Variants in UBR3 observed in about 807,000 individuals in gnomAD.
The protein encoded by UBR3 is ubiquitin protein ligase E3 component n-recognin 3.
Under a neutral mutation model 243.2 loss-of-function variants are expected in UBR3, and 85 were observed. The ratio of observed to expected loss-of-function variants is 0.35; its 90% CI spans 0.29 to 0.42. The LOEUF (loss-of-function observed/expected upper bound fraction) is 0.42. UBR3 is among the 10% of genes least tolerant of loss of function. The probability of loss-of-function intolerance (pLI) is 1.00; values close to 1 mark genes in which losing one functional copy is unlikely to be tolerated. For synonymous variants in UBR3, 748 were observed against 799.8 expected (o/e 0.94, Z 1.09); for missense variants, 1,686 against 2,300.8 (o/e 0.73, Z 5.47).
intron 31 of UBR3, 126 bp downstream of exon 31, chr2:170,029,574 TATATC>T (rs1243151722): frequency 1.1e-5 from 8 of 697,250 alleles, no homozygotes; most frequent in East Asian, 3.0e-5. Flanking sequence ...AGCACAGAAA[TATATC>T]ATAAGAATTG....
At chr2:169,925,551 GTTAT>G (rs2085878902) in intron 13 of UBR3, 64 bp from the exon 14 acceptor site, 10 of 1,358,628 alleles carry the variant, frequency 7.4e-6, no homozygotes, top group Non-Finnish European at 8.0e-6. Flanking sequence ...TTTTGAAATG[GTTAT>G]TTATAATATT....
intron 25 of UBR3, 53 bp from the exon 26 acceptor site, chr2:169,994,270 A>G: frequency 6.4e-7 from 1 of 1,569,658 alleles, no homozygotes; most frequent in Non-Finnish European, 8.7e-7. Flanking sequence ...TTGGAGTTAC[A>G]GGTCTATGGC....
intron 22 of UBR3, among the ~76,000 whole-genome samples, chr2:169,949,163 G>A (rs1422577613): frequency 2.0e-5 from 3 of 151,910 alleles, no homozygotes; most frequent in Non-Finnish European, 4.4e-5. Flanking sequence ...AGATTTATTA[G>A]CTTAGAAAAT....
intron 18 of UBR3, among the ~76,000 whole-genome samples, chr2:169,930,434 T>C (rs570639800): frequency 6.6e-6 from 1 of 152,204 alleles, no homozygotes; most frequent in East Asian, 1.9e-4. Context: ...TCGCTCAGGC[T>C]GGAGTGCAGT....
intron 8 of UBR3, among the ~76,000 whole-genome samples, chr2:169,901,598 T>C (rs1411255497): frequency 1.3e-5 from 2 of 152,196 alleles, no homozygotes; most frequent in African/African-American, 4.8e-5. Context: ...AGCCTTGTCT[T>C]GAATTGTTGT....
At chr2:169,987,201 TG>T (rs1453719451) in intron 25 of UBR3, among the ~76,000 whole-genome samples, 4 of 151,990 alleles carry the variant, frequency 2.6e-5, no homozygotes, top group African/African-American at 9.7e-5. Flanking sequence ...CTAGCCTACA[TG>T]GCCAACATGG....
chr2:169,908,002 C>T (rs2085085551), intron 10 of UBR3, among the ~76,000 whole-genome samples: 1 of 152,120 alleles, frequency 6.6e-6, no homozygotes, highest in African/African-American at 2.4e-5. Context: ...AAACTCCTGA[C>T]CTCAGGTGAT....
At chr2:169,915,134 C>T (rs1387220828) in intron 11 of UBR3, among the ~76,000 whole-genome samples, 2 of 152,014 alleles carry the variant, frequency 1.3e-5, no homozygotes, top group Admixed American at 1.3e-4. Context: ...TCCCATGATA[C>T]CTTTTATAGA....
At chr2:169,946,577 A>G (rs1239351145) in intron 21 of UBR3, among the ~76,000 whole-genome samples, 185 bp downstream of exon 21, 1 of 152,138 alleles carries the variant, frequency 6.6e-6, no homozygotes, top group Non-Finnish European at 1.5e-5. Context: ...TTAAAGAACT[A>G]CTAGAAAAGG....
chr2:169,950,140 G>T, intron 23 of UBR3, 75 bp downstream of exon 23: 1 of 1,353,120 alleles, frequency 7.4e-7, no homozygotes, highest in Non-Finnish European at 1.0e-6. Context: ...GGTCATTTGA[G>T]GATAATCACC....
At chr2:169,935,739 ATTTTTTTCTGTC>A (rs2086301686) in intron 19 of UBR3, among the ~76,000 whole-genome samples, 1 of 152,084 alleles carries the variant, frequency 6.6e-6, no homozygotes, top group Admixed American at 6.6e-5. Context: ...CACTTAAATA[ATTTTTTTCTGTC>A]ATGTAGCATT....
chr2:169,931,893 T>C (rs1192067785), intron 18 of UBR3, among the ~76,000 whole-genome samples: 4 of 152,158 alleles, frequency 2.6e-5, no homozygotes, highest in African/African-American at 7.2e-5. Context: ...AAAAGCTTTA[T>C]ATACTTAATA....
intron 35 of UBR3, among the ~76,000 whole-genome samples, chr2:170,068,455 G>A (rs1254967840): frequency 3.3e-5 from 5 of 152,166 alleles, no homozygotes; most frequent in South Asian, 2.1e-4. Context: ...GTGACAGAGC[G>A]AGACCCTGTC....
intron 24 of UBR3, among the ~76,000 whole-genome samples, chr2:169,968,605 T>C (rs2087936274): frequency 6.6e-6 from 1 of 152,180 alleles, no homozygotes; most frequent in African/African-American, 2.4e-5. Flanking sequence ...CATCTGTTGA[T>C]AGAAACTTAG....
At chr2:170,072,508 C>G (rs1400161130) in intron 35 of UBR3, among the ~76,000 whole-genome samples, 1 of 151,970 alleles carries the variant, frequency 6.6e-6, no homozygotes, top group African/African-American at 2.4e-5. Flanking sequence ...ATCAGCATGG[C>G]ACATATATAC....
intron 35 of UBR3, among the ~76,000 whole-genome samples, chr2:170,065,492 T>A (rs1465108750): frequency 6.6e-6 from 1 of 152,148 alleles, no homozygotes; most frequent in African/African-American, 2.4e-5. Context: ...TTTCACCATG[T>A]TGGTCAGGCG....
At chr2:169,990,273 A>T (rs2089212689) in intron 25 of UBR3, among the ~76,000 whole-genome samples, 1 of 152,160 alleles carries the variant, frequency 6.6e-6, no homozygotes, top group Non-Finnish European at 1.5e-5. Context: ...ACATGGAAAG[A>T]TATTAATTTA....
At chr2:169,857,064 G>GTTTTTTTTTTTTTTTTTTTTTTTTTTTT (rs770674966) in intron 1 of UBR3, among the ~76,000 whole-genome samples, 2 of 56,082 alleles carry the variant, frequency 3.6e-5, no homozygotes, top group East Asian at 8.7e-4. Context: ...ATTTTATTAT[G>GTTTTTTTTTTTTTTTTTTTTTTTTTTTT]TTTTTTTTTT....
intron 10 of UBR3, among the ~76,000 whole-genome samples, chr2:169,912,408 A>G (rs1423891459): frequency 6.6e-6 from 1 of 152,104 alleles, no homozygotes; most frequent in African/African-American, 2.4e-5. Context: ...TCTTCTTTCA[A>G]CCTTTATAAA....
Sources: allele counts gnomAD v4.1 joint callset (sites outside exome capture counted in the v4.1 genomes callset), GRCh38; gene constraint gnomAD v4.1.1; transcripts MANE v1.5; gene names NCBI Gene and HGNC (gene_info 2026-07-23, HGNC 2026-07-21).